Variants in LRP1B observed in about 807,000 individuals in gnomAD.
LRP1B encodes the protein LDL receptor related protein 1B.
In LRP1B, 217 loss-of-function variants were observed where a neutral mutation model predicts 556.6. The ratio of observed to expected loss-of-function variants is 0.39; its 90% confidence interval spans 0.35 to 0.44. LRP1B has a LOEUF of 0.44. LRP1B is among the 20% of genes least tolerant of loss of function. The pLI, the probability that LRP1B is intolerant of heterozygous loss-of-function variation, is 1.00. For synonymous variants in LRP1B, 2,047 were observed against 1,865.8 expected (o/e 1.10, Z -2.50); for missense variants, 5,053 against 5,620.8 (o/e 0.90, Z 3.23).
intron 1 of LRP1B, among the ~76,000 whole-genome samples, chr2:141,905,765 ATGTGTGTG>A (rs56309590): frequency 0.01 from 1,048 of 100,280 alleles, 11 homozygotes; most frequent in African/African-American, 0.032. Context: ...GTTTGAATAG[ATGTGTGTG>A]TGTGTGTGTG....
chr2:141,255,847 C>T (rs1684441731), intron 3 of LRP1B, among the ~76,000 whole-genome samples: 1 of 151,864 alleles, frequency 6.6e-6, no homozygotes, highest in South Asian at 2.1e-4. Context: ...ATCCCATCCC[C>T]TCTCACCTAG....
In LRP1B at chr2:140,501,780, A is replaced by T. The variant is rs564601645; in HGVS notation, c.8757T>A (p.Gly2919=). 1.2e-6 allele frequency: 2 copies of T among 1,613,018 alleles called. No individual in the cohort carries two copies. The highest frequency in any genetic ancestry group is 4.5e-5 in the East Asian group (2 of 44,844). The part of the protein sequence containing the change: ...LCDNKDDCGD[G]SDERNCHINE... Reference sequence around the variant, plus strand: ...TTATATGGCAGTTTCTCTCATCTGAACCATCGCCACAGTCATCCTTATTGT... The same window carrying T: ...TTATATGGCAGTTTCTCTCATCTGATCCATCGCCACAGTCATCCTTATTGT... The change falls in exon 55 of 91, where the codon GGT becomes GGA. Residue 2919 remains glycine, a synonymous_variant. Coordinates refer to ENST00000389484, the MANE Select transcript of LRP1B (RefSeq NM_018557.3).
intron 79 of LRP1B, among the ~76,000 whole-genome samples, chr2:140,330,199 C>CAATAATAATAATAATAAT (rs70985089): frequency 1.0e-3 from 139 of 137,968 alleles, no homozygotes; most frequent in South Asian, 2.9e-3. Flanking sequence ...GACTCTGTCT[C>CAATAATAATAATAATAAT]AATAATAATA....
intron 1 of LRP1B, among the ~76,000 whole-genome samples, chr2:141,994,519 A>T (rs967864021): frequency 6.6e-6 from 1 of 152,136 alleles, no homozygotes; most frequent in African/African-American, 2.4e-5. Flanking sequence ...GTGTATTTAT[A>T]CTGTGTGAGT....
intron 2 of LRP1B, among the ~76,000 whole-genome samples, chr2:141,746,720 A>G (rs1693927366): frequency 1.3e-5 from 2 of 152,146 alleles, no homozygotes; most frequent in South Asian, 4.1e-4. Flanking sequence ...GGGATAGGCC[A>G]TCTTGCTCCA....
intron 35 of LRP1B, among the ~76,000 whole-genome samples, chr2:140,746,640 C>T (rs1002234875): frequency 1.3e-5 from 2 of 152,074 alleles, no homozygotes; most frequent in Non-Finnish European, 2.9e-5. Context: ...TGCAAATGCA[C>T]GCAGGAGAGC....
chr2:140,846,781 C>T (rs747427918), intron 29 of LRP1B, among the ~76,000 whole-genome samples: 2 of 152,036 alleles, frequency 1.3e-5, no homozygotes, highest in African/African-American at 4.8e-5. Context: ...AAGGTTTCCA[C>T]AGAGTCATTC....
At chr2:141,753,262 CCATA>C (rs1694186706) in intron 2 of LRP1B, among the ~76,000 whole-genome samples, 1 of 36,160 alleles carries the variant, frequency 2.8e-5, no homozygotes. Context: ...CTCTCTCTCT[CCATA>C]TATATATATA....
At chr2:140,755,109 A>G (rs1559098929) in intron 35 of LRP1B, among the ~76,000 whole-genome samples, 1 of 152,100 alleles carries the variant, frequency 6.6e-6, no homozygotes, top group Non-Finnish European at 1.5e-5. Flanking sequence ...GACACAGACT[A>G]TCAAAACTAA....
intron 6 of LRP1B, among the ~76,000 whole-genome samples, chr2:141,212,009 A>G (rs1373336932): frequency 6.6e-6 from 1 of 152,188 alleles, no homozygotes; most frequent in Non-Finnish European, 1.5e-5. Flanking sequence ...AATGTGCTAA[A>G]TAGAAGATAA....
chr2:141,269,767 G>A (rs923508525), intron 3 of LRP1B, among the ~76,000 whole-genome samples: 1 of 151,964 alleles, frequency 6.6e-6, no homozygotes, highest in Non-Finnish European at 1.5e-5. Context: ...AGCAATGTGC[G>A]ACCCATATAC....
At chr2:140,893,888 CA>C (rs1341661068) in intron 23 of LRP1B, among the ~76,000 whole-genome samples, 1 of 152,036 alleles carries the variant, frequency 6.6e-6, no homozygotes, top group East Asian at 1.9e-4. Flanking sequence ...ATGAAAATAG[CA>C]ATAATGTGCC....
At chr2:141,480,257 T>A (rs1682870235) in intron 3 of LRP1B, 139 bp downstream of exon 3, 3 of 929,022 alleles carry the variant, frequency 3.2e-6, no homozygotes, top group African/African-American at 1.6e-5. Context: ...TATTAAAATG[T>A]CTGGCAGTAA....
chr2:141,831,728 G>A lies in LRP1B; in HGVS notation c.83-21327C>T, dbSNP rs535398901. ...TAAAATAGGAATAGCATGCTTTGTT[G>A]TTGTGTTGAGAAAATCATATAGTAT... On this transcript the variant is annotated intron_variant, in intron 1 of 90. Transcript: ENST00000389484. Among the ~76,000 whole-genome samples, 5 of 151,708 alleles carry A rather than the reference G, an allele frequency of 3.3e-5. No individual in the cohort carries two copies. The South Asian group carries it at 1.0e-3, about 31-fold the overall frequency.
intron 3 of LRP1B, among the ~76,000 whole-genome samples, chr2:141,273,049 C>T (rs930475789): frequency 2.4e-4 from 37 of 152,146 alleles, no homozygotes; most frequent in African/African-American, 8.7e-4. Context: ...TGGCTCACGC[C>T]TGTAATCCCA....
intron 41 of LRP1B, among the ~76,000 whole-genome samples, chr2:140,685,724 G>C (rs1686024075): frequency 6.6e-6 from 1 of 152,102 alleles, no homozygotes; most frequent in Non-Finnish European, 1.5e-5. Flanking sequence ...CTGACACATA[G>C]TGAATTCATA....
chr2:140,889,885 C>T (rs186349493), intron 23 of LRP1B, among the ~76,000 whole-genome samples: 7 of 152,208 alleles, frequency 4.6e-5, no homozygotes, highest in Admixed American at 2.6e-4. Context: ...GACTTGAACA[C>T]GTGTAAATGA....
chr2:140,929,369 A>T (rs1694980976), intron 20 of LRP1B, among the ~76,000 whole-genome samples: 1 of 152,090 alleles, frequency 6.6e-6, no homozygotes, highest in South Asian at 2.1e-4. Flanking sequence ...TCTGGGTCAG[A>T]ATTAAGAGTC....
chr2:141,932,220 A>T (rs16847677), intron 1 of LRP1B, among the ~76,000 whole-genome samples: 11,778 of 152,096 alleles, frequency 0.077, 1,527 homozygotes, highest in African/African-American at 0.27. Flanking sequence ...TCTTGAGTGT[A>T]TCAGATCATC....
Sources: gnomAD v4.1 joint callset for allele counts (sites outside exome capture counted in the v4.1 genomes callset) on GRCh38, gnomAD v4.1.1 for gene constraint, MANE v1.5 for transcripts, NCBI Gene and HGNC (gene_info 2026-07-23, HGNC 2026-07-21) for gene names.